The following TTC8 variants were observed in gnomAD, a reference collection of about 807,000 sequenced individuals.
The protein encoded by TTC8 is tetratricopeptide repeat domain 8, also known as tetratricopeptide repeat protein 8.
In TTC8, 47 loss-of-function variants were observed where a neutral mutation model predicts 72.5. The observed-to-expected ratio is 0.65, with a 90% CI of 0.51 to 0.83. TTC8 has a LOEUF of 0.83. Ranked by LOEUF, TTC8 falls within the 40% of genes least tolerant of loss-of-function variation. TTC8 has a pLI of 0.00. For missense variants in TTC8, 611 were observed against 623.2 expected (o/e 0.98, Z 0.21); for synonymous variants, 199 against 221.4 (o/e 0.90, Z 0.90).
At chr14:88,872,244 C>T in intron 12 of TTC8, 86 bp from the exon 13 acceptor site, 1 of 1,571,266 alleles carries the variant, frequency 6.4e-7, no homozygotes, top group Non-Finnish European at 8.7e-7. Context: ...TGCTTTTTGT[C>T]TGGTAGCAGA....
chr14:88,872,526 C>T, intron 13 of TTC8, 74 bp downstream of exon 13: 1 of 1,594,588 alleles, frequency 6.3e-7, no homozygotes. Flanking sequence ...GGTAGCATTA[C>T]AGCGTATGTT....
Position 88,870,175 on chromosome 14 carries a change from A to G in TTC8, c.1026A>G (p.Pro342=), listed in dbSNP as rs1333398249. 1 of 1,614,060 alleles carries G rather than the reference A, an allele frequency of 6.2e-7. No homozygotes were observed. Among genetic ancestry groups the G allele is most frequent in the African/African-American group, 1.3e-5 (1 of 74,954 alleles). ...IGSNHFYSDQ[P]EIALRFYRRL... ...GCAACCACTTCTATTCTGATCAGCC[A>G]GAAATAGCTCTCCGGTTTTACAGGT... Residue 342 remains proline (P), a synonymous_variant, in exon 11 of 15, where the codon CCA becomes CCG. Transcript: ENST00000380656.
chr14:88,825,009 A>T (rs1229927523), intron 1 of TTC8, among the ~76,000 whole-genome samples, 188 bp downstream of exon 1: 3 of 152,176 alleles, frequency 2.0e-5, no homozygotes, highest in African/African-American at 7.2e-5. Flanking sequence ...CGCCACGTCC[A>T]CGGGGATAGC....
intron 1 of TTC8, among the ~76,000 whole-genome samples, chr14:88,827,583 T>C (rs1028236527): frequency 5.9e-5 from 9 of 152,228 alleles, no homozygotes. Context: ...GGTAGGGCTA[T>C]TGAAAAGTTT....
chr14:88,836,133 A>G (rs1395365431), intron 2 of TTC8, among the ~76,000 whole-genome samples: 4 of 152,208 alleles, frequency 2.6e-5, no homozygotes, highest in Non-Finnish European at 4.4e-5. Flanking sequence ...CATATTTTAG[A>G]AATTAAATTA....
rs781214218 is a variant in TTC8 at position 88,841,152 on chromosome 14, C to T, written c.445C>T (p.Arg149Cys). 16 of 1,613,964 alleles carry T rather than the reference C, an allele frequency of 9.9e-6. No individual in the cohort carries two copies. Among genetic ancestry groups the T allele is most frequent in the Middle Eastern group, 1.6e-4 (1 of 6,084 alleles). ...AACACCCAGAACCGCCTACACAGCC[C>T]GCCCTATCACCAGCTCCTCCGGAAG... is the stretch of plus-strand genomic sequence containing the variant. The part of the protein sequence containing the change: ...IRTPRTAYTA[R>C]PITSSSGRFV... Residue 149 changes from arginine to cysteine, a missense_variant, in exon 5 of 15, where the codon CGC becomes TGC. Arg to Cys is a radical substitution (Grantham distance 180, BLOSUM62 -3). Transcript: ENST00000380656.
At chr14:88,850,551 G>C (rs2094828779) in intron 7 of TTC8, among the ~76,000 whole-genome samples, 1 of 152,154 alleles carries the variant, frequency 6.6e-6, no homozygotes, top group South Asian at 2.1e-4. Flanking sequence ...ACATTAGCTG[G>C]GCAGGGTGGC....
At chr14:88,842,210 G>A (rs921677216) in intron 6 of TTC8, among the ~76,000 whole-genome samples, 1 of 152,168 alleles carries the variant, frequency 6.6e-6, no homozygotes, top group African/African-American at 2.4e-5. Flanking sequence ...ACTAATTTAA[G>A]CCTAGCTCAG....
chr14:88,841,318 G>T, intron 5 of TTC8, 107 bp from the exon 6 acceptor site: 1 of 1,582,780 alleles, frequency 6.3e-7, no homozygotes, highest in African/African-American at 1.4e-5. Context: ...GATTTTTGAA[G>T]GTGATTATTT....
At chr14:88,858,209 G>A (rs537421753) in intron 9 of TTC8, among the ~76,000 whole-genome samples, 1 of 152,116 alleles carries the variant, frequency 6.6e-6, no homozygotes. Context: ...TGATCCTCCC[G>A]CCTCAGCCTC....
At chr14:88,868,779 G>A (rs763665233) in intron 10 of TTC8, among the ~76,000 whole-genome samples, 2 of 152,108 alleles carry the variant, frequency 1.3e-5, no homozygotes, top group Non-Finnish European at 2.9e-5. Context: ...GTTGACACCT[G>A]CTGGTAAGAT....
intron 2 of TTC8, chr14:88,837,129 C>A: frequency 5.1e-6 from 1 of 196,722 alleles, no homozygotes; most frequent in Admixed American, 6.1e-5. Context: ...AGTTCTGAAG[C>A]CTCATTAGCT....
At chr14:88,837,024 G>T in intron 2 of TTC8, 1 of 271,454 alleles carries the variant, frequency 3.7e-6, no homozygotes, top group Non-Finnish European at 7.4e-6. Flanking sequence ...TCACGCCATT[G>T]TACTCCAGCT....
Position 88,824,671 on chromosome 14 carries a change from C to G in TTC8, c.-37C>G. On this transcript the variant is annotated 5_prime_UTR_variant, in exon 1 of 15. Transcript: ENST00000380656. Reference sequence around the variant, plus strand: ...TCTTCACTCCACGCCCACCTCTCTCCTGGAGCGCTGGGCCTTCGCTGGCCG... The same window carrying G: ...TCTTCACTCCACGCCCACCTCTCTCGTGGAGCGCTGGGCCTTCGCTGGCCG... 6.5e-7 allele frequency: 1 copy of G among 1,532,440 alleles called. No individual in the cohort carries two copies. The highest frequency in any genetic ancestry group is 8.9e-7 in the Non-Finnish European group (1 of 1,124,782). The allele number at this position is 1,532,440 out of a possible 1,614,324, so 94.9% of individuals were successfully genotyped here. A position where few individuals can be genotyped will look rare whatever the true frequency, so the allele number is the denominator to read the frequency against.
chr14:88,829,785 A>T (rs983785931), intron 1 of TTC8, among the ~76,000 whole-genome samples: 1 of 152,226 alleles, frequency 6.6e-6, no homozygotes, highest in Non-Finnish European at 1.5e-5. Context: ...ACTGGCTTAG[A>T]TGAAAGACAT....
intron 11 of TTC8, 110 bp downstream of exon 11, chr14:88,870,308 G>C: frequency 8.1e-7 from 1 of 1,235,674 alleles, no homozygotes; most frequent in Non-Finnish European, 1.2e-6. Flanking sequence ...ATGTCTTTAT[G>C]AAACTCAAAT....
At chr14:88,864,170 A>G (rs1437384938) in intron 10 of TTC8, among the ~76,000 whole-genome samples, 5 of 152,202 alleles carry the variant, frequency 3.3e-5, no homozygotes, top group Non-Finnish European at 7.3e-5. Context: ...TCCATAATAA[A>G]CATGTATTAC....
intron 7 of TTC8, among the ~76,000 whole-genome samples, chr14:88,851,117 C>G (rs1396815213): frequency 6.6e-6 from 1 of 152,074 alleles, no homozygotes; most frequent in Non-Finnish European, 1.5e-5. Flanking sequence ...TGTGATGCTA[C>G]ACTAGAGTCA....
chr14:88,880,850 A>G (rs1246557727), downstream of TTC8: 1 of 152,338 alleles, frequency 6.6e-6, no homozygotes, highest in East Asian at 1.9e-4. Context: ...CTGAAAAGGA[A>G]ACTCATAAAA....
Sources: allele counts gnomAD v4.1 joint callset (sites outside exome capture counted in the v4.1 genomes callset), GRCh38; gene constraint gnomAD v4.1.1; transcripts MANE v1.5; gene names NCBI Gene and HGNC (gene_info 2026-07-23, HGNC 2026-07-21).